The following LRP1B variants were observed in gnomAD, a reference collection of about 807,000 sequenced individuals.
LRP1B encodes LDL receptor related protein 1B.
In LRP1B, 217 loss-of-function variants were observed where a neutral mutation model predicts 556.6. That is an observed-to-expected ratio of 0.39 (90% CI 0.35 to 0.44). The LOEUF (loss-of-function observed/expected upper bound fraction) is 0.44. Among genes scored for constraint, LRP1B ranks in the 20% least tolerant of loss-of-function variants. The pLI is 1.00. For missense variants in LRP1B, 5,053 were observed against 5,620.8 expected (o/e 0.90, Z 3.23); for synonymous variants, 2,047 against 1,865.8 (o/e 1.10, Z -2.50).
At chr2:141,722,101 G>A (rs956669010) in intron 2 of LRP1B, among the ~76,000 whole-genome samples, 1 of 152,132 alleles carries the variant, frequency 6.6e-6, no homozygotes, top group Non-Finnish European at 1.5e-5. Context: ...TCTGAGGGCG[G>A]GCATGGTGGC....
intron 2 of LRP1B, among the ~76,000 whole-genome samples, chr2:141,698,620 A>G (rs975857946): frequency 1.3e-5 from 2 of 151,630 alleles, no homozygotes; most frequent in Non-Finnish European, 2.9e-5. Context: ...CTAGATTTCC[A>G]TAGTCTATTA....
chr2:141,860,568 C>T (rs1698205814), intron 1 of LRP1B, among the ~76,000 whole-genome samples: 1 of 151,980 alleles, frequency 6.6e-6, no homozygotes, highest in African/African-American at 2.4e-5. Flanking sequence ...CTTCATCATG[C>T]TATGTAATTC....
intron 31 of LRP1B, among the ~76,000 whole-genome samples, chr2:140,835,929 T>G (rs908558731): frequency 6.6e-5 from 10 of 152,204 alleles, no homozygotes; most frequent in African/African-American, 2.4e-4. Flanking sequence ...CCTGTTAATC[T>G]GCCTATTGTT....
rs560102263 is a variant in LRP1B, at chr2:141,272,701, T to C, written c.344-18060A>G. On this transcript the variant is annotated intron_variant, in intron 3 of 90. Coordinates refer to ENST00000389484, the MANE Select transcript of LRP1B (RefSeq NM_018557.3). ...TATTTGACAAAACAGACTTTAAAAA[T>C]AAAAATATAGAAACAAATAAAGACA... Among the ~76,000 whole-genome samples, 5 of 151,598 alleles carry C rather than the reference T, an allele frequency of 3.3e-5. No individual in the cohort carries two copies. In the East Asian group the frequency reaches 5.8e-4, roughly 18 times the overall value.
chr2:141,084,769 C>A (rs1700009567), intron 7 of LRP1B, among the ~76,000 whole-genome samples: 1 of 151,856 alleles, frequency 6.6e-6, no homozygotes, highest in South Asian at 2.1e-4. Context: ...CCTGCCTCAG[C>A]CTCCTGAGTA....
At chr2:140,770,821 TG>T (rs2104938479) in intron 34 of LRP1B, 59 bp downstream of exon 34, 1 of 1,411,044 alleles carries the variant, frequency 7.1e-7, no homozygotes, top group Non-Finnish European at 9.4e-7. Context: ...AACATCTGCA[TG>T]GTATGTAATG....
intron 1 of LRP1B, among the ~76,000 whole-genome samples, chr2:142,025,415 A>G (rs1334581774): frequency 1.3e-5 from 2 of 152,180 alleles, no homozygotes; most frequent in Non-Finnish European, 2.9e-5. Flanking sequence ...AAGCACTTTT[A>G]TTATTCCCAT....
At chr2:140,592,118 A>C (rs1682251982) in intron 43 of LRP1B, among the ~76,000 whole-genome samples, 1 of 152,164 alleles carries the variant, frequency 6.6e-6, no homozygotes, top group Non-Finnish European at 1.5e-5. Context: ...TTTTCTATAT[A>C]TCTCCTTTAT....
At chr2:140,394,247 C>T (rs1043012521) in intron 66 of LRP1B, among the ~76,000 whole-genome samples, 3 of 151,566 alleles carry the variant, frequency 2.0e-5, no homozygotes, top group African/African-American at 4.9e-5. Flanking sequence ...CTGGTGAAGC[C>T]GTTAATTCTG....
chr2:141,755,300 GTTCTT>G (rs1694275913), intron 2 of LRP1B, among the ~76,000 whole-genome samples: 3 of 151,952 alleles, frequency 2.0e-5, no homozygotes, highest in Admixed American at 1.3e-4. Flanking sequence ...TGTACAATAG[GTTCTT>G]ATAAACCAAT....
intron 65 of LRP1B, 76 bp downstream of exon 65, chr2:140,444,254 G>T: frequency 6.9e-7 from 1 of 1,452,018 alleles, no homozygotes; most frequent in Non-Finnish European, 9.4e-7. Context: ...ATGAATTTAT[G>T]AAGTATAGTA....
At chr2:140,796,699 C>T (rs772284163) in intron 32 of LRP1B, among the ~76,000 whole-genome samples, 1 of 152,170 alleles carries the variant, frequency 6.6e-6, no homozygotes, top group South Asian at 2.1e-4. Context: ...TCAGTGCGCA[C>T]TGCAAAGTAA....
At chr2:140,449,232 T>G (rs1440275190) in intron 63 of LRP1B, among the ~76,000 whole-genome samples, 2 of 152,108 alleles carry the variant, frequency 1.3e-5, no homozygotes, top group Non-Finnish European at 2.9e-5. Context: ...TCTTGTTTAT[T>G]TCTAAGAATT....
At chr2:142,045,020 T>A (rs1234763456) in intron 1 of LRP1B, among the ~76,000 whole-genome samples, 1 of 151,806 alleles carries the variant, frequency 6.6e-6, no homozygotes, top group African/African-American at 2.4e-5. Context: ...AAACAAGTTC[T>A]TTTTAAATGT....
chr2:141,994,764 C>T (rs1353693107), intron 1 of LRP1B, among the ~76,000 whole-genome samples: 3 of 152,106 alleles, frequency 2.0e-5, no homozygotes, highest in Non-Finnish European at 4.4e-5. Flanking sequence ...TTACTTTTAT[C>T]TATCTCTTCT....
chr2:141,853,335 C>A (rs1697929315), intron 1 of LRP1B, among the ~76,000 whole-genome samples: 1 of 151,448 alleles, frequency 6.6e-6, no homozygotes, highest in Non-Finnish European at 1.5e-5. Flanking sequence ...TATGAAGAAT[C>A]ACGCAATAGA....
chr2:140,882,327 T>C (rs946114423), intron 25 of LRP1B, among the ~76,000 whole-genome samples: 3 of 152,098 alleles, frequency 2.0e-5, no homozygotes, highest in Admixed American at 2.0e-4. Context: ...TAAAGGTAAG[T>C]CTTATTAAAC....
At chr2:141,411,730 A>C (rs1327935567) in intron 3 of LRP1B, among the ~76,000 whole-genome samples, 1 of 152,162 alleles carries the variant, frequency 6.6e-6, no homozygotes, top group East Asian at 1.9e-4. Flanking sequence ...CCAGTGTCAA[A>C]AATTGATTAT....
intron 2 of LRP1B, among the ~76,000 whole-genome samples, chr2:141,621,903 GT>G (rs1170578498): frequency 6.6e-6 from 1 of 152,038 alleles, no homozygotes. Context: ...TTGTTTCTTT[GT>G]TTTTGAGATG....
Sources: gnomAD v4.1 joint callset for allele counts (sites outside exome capture counted in the v4.1 genomes callset) on GRCh38, gnomAD v4.1.1 for gene constraint, MANE v1.5 for transcripts, NCBI Gene and HGNC (gene_info 2026-07-23, HGNC 2026-07-21) for gene names.